Variants in PMEPA1 observed in about 807,000 individuals in gnomAD.
PMEPA1 encodes the protein prostate transmembrane protein, androgen induced 1, also known as protein TMEPAI.
In PMEPA1, 11 loss-of-function variants were observed where a neutral mutation model predicts 23.0. The observed-to-expected ratio is 0.48, with a 90% CI of 0.30 to 0.79. The LOEUF (loss-of-function observed/expected upper bound fraction) is 0.79, where lower values mean the gene tolerates loss of function less well. PMEPA1 is among the 30% of genes least tolerant of loss of function. PMEPA1 has a pLI of 0.06. For missense variants in PMEPA1, 377 were observed against 390.9 expected (o/e 0.96, Z 0.30); for synonymous variants, 204 against 166.4 (o/e 1.23, Z -1.74).
At chr20:57,700,305 C>A (rs987938122) in intron 1 of PMEPA1, 1 of 360,396 alleles carries the variant, frequency 2.8e-6, no homozygotes. Flanking sequence ...CCACTTCCAC[C>A]AACTGTCAAA....
intron 1 of PMEPA1, among the ~76,000 whole-genome samples, chr20:57,681,862 G>A (rs2071720291): frequency 6.6e-6 from 1 of 152,118 alleles, no homozygotes; most frequent in South Asian, 2.1e-4. Flanking sequence ...CTCTCTGCCT[G>A]AGGTACTCCC....
At chr20:57,694,981 G>A (rs2071927218) in intron 1 of PMEPA1, among the ~76,000 whole-genome samples, 1 of 152,214 alleles carries the variant, frequency 6.6e-6, no homozygotes, top group African/African-American at 2.4e-5. Context: ...TAGAGTCAAG[G>A]GGAGAGGGAC....
At position 57,710,001 on chromosome 20, in the gene PMEPA1, G is replaced by A; in HGVS notation, c.-419C>T. On this transcript the variant is annotated 5_prime_UTR_variant, in exon 1 of 4. Transcript: ENST00000341744. The stretch of plus-strand genomic sequence containing the variant: ...CGCTCCGAGACCGCGGTCGGAGGCA[G>A]GCAGACGGTCTGACGTCAGCGCTAG... 1.0e-6 allele frequency: 1 copy of A among 992,448 alleles called. No homozygotes were observed. The highest frequency in any genetic ancestry group is 1.2e-6 in the Non-Finnish European group (1 of 834,654). The allele number at this position is 992,448 out of a possible 1,614,324, so 61.5% of individuals were successfully genotyped here. A position where few individuals can be genotyped will look rare whatever the true frequency, so the allele number is the denominator to read the frequency against.
At chr20:57,663,809 C>T (rs146147063) in intron 1 of PMEPA1, among the ~76,000 whole-genome samples, 1,669 of 152,282 alleles carry the variant, frequency 0.011, 20 homozygotes, top group Non-Finnish European at 0.014. Context: ...AGCCAGCAGC[C>T]GGGTCACCCC....
chr20:57,653,784 C>G (rs1183019596), intron 2 of PMEPA1, among the ~76,000 whole-genome samples: 1 of 152,252 alleles, frequency 6.6e-6, no homozygotes, highest in Non-Finnish European at 1.5e-5. Context: ...CCAGCGTCCC[C>G]TGCAGACCCT....
intron 1 of PMEPA1, among the ~76,000 whole-genome samples, chr20:57,666,186 G>A (rs565071967): frequency 6.6e-6 from 1 of 152,194 alleles, no homozygotes; most frequent in East Asian, 1.9e-4. Flanking sequence ...ACAGGTTCGT[G>A]TGCCTCGTTG....
rs1463412101 is a variant in PMEPA1, at chr20:57,709,729, A to C, written c.-147T>G. ...GGCTCGCCGGGCTCGGGTCGCCGCCAAGTTCCCGGGGCGCCGCGGGGCTCA... is the reference window on the plus strand; with the variant it reads ...GGCTCGCCGGGCTCGGGTCGCCGCCCAGTTCCCGGGGCGCCGCGGGGCTCA... On this transcript the variant is annotated 5_prime_UTR_variant, in exon 1 of 4. Transcript: ENST00000341744. 1.0e-6 allele frequency: 1 copy of C among 976,324 alleles called. No homozygotes were observed. Among genetic ancestry groups the C allele is most frequent in the East Asian group, 1.2e-4 (1 of 8,326 alleles). 60.5% of individuals were successfully genotyped at this position (976,324 alleles called of 1,614,324 possible). A position where few individuals can be genotyped will look rare whatever the true frequency, so the allele number is the denominator to read the frequency against.
intron 1 of PMEPA1, among the ~76,000 whole-genome samples, chr20:57,708,379 G>A (rs1469576317): frequency 2.6e-5 from 4 of 152,358 alleles, no homozygotes; most frequent in African/African-American, 7.2e-5. Context: ...CTAGAAGCTA[G>A]AAGCCAGAAC....
Position 57,652,141 on chromosome 20 carries a change from G to A in PMEPA1, c.776C>T (p.Thr259Ile), listed in dbSNP as rs759744822. Residue 259 changes from threonine (T) to isoleucine (I), a missense_variant, in exon 4 of 4, where the codon ACC becomes ATC. This residue lies in a region of PMEPA1 where 176 missense variants were observed against 173.0 expected (regional missense o/e 1.02). Transcript: ENST00000341744. This position sits in a 1 kb window ranked among gnomAD's most constrained non-coding sequence, Gnocchi z 6.1. ...CGCGATGTGTGTGTGGTGGAGCCGG[G>A]TCCCCTCCAGCAAGGAGGGCGGCCC... ...SSGPPSLLEG[T>I]RLHHTHIAPL... The A allele has an allele frequency of 1.9e-6, 3 of 1,597,676 alleles. No individual in the cohort carries two copies. In the African/African-American group the frequency reaches 4.0e-5, roughly 21 times the overall value.
intron 1 of PMEPA1, among the ~76,000 whole-genome samples, chr20:57,693,897 C>G (rs2071914202): frequency 6.6e-6 from 1 of 152,178 alleles, no homozygotes; most frequent in Non-Finnish European, 1.5e-5. Context: ...GAAGTGCTGG[C>G]TTCTCCATCA....
Position 57,652,960 on chromosome 20 carries a change from A to G in PMEPA1, c.318+73T>C. 7.8e-7 allele frequency: 1 copy of G among 1,284,160 alleles called. No individual in the cohort carries two copies. Among genetic ancestry groups the G allele is most frequent in the Non-Finnish European group, 1.1e-6 (1 of 902,604 alleles). The allele number at this position is 1,284,160 out of a possible 1,614,324, so 79.5% of individuals were successfully genotyped here. A position where few individuals can be genotyped will look rare whatever the true frequency, so the allele number is the denominator to read the frequency against. On this transcript the variant is annotated intron_variant, in intron 3 of 3. Transcript: ENST00000341744. The surrounding 1 kb of genome is among the most constrained non-coding windows in gnomAD (Gnocchi z 6.1). ...GAGGGGTGAGCCTTTAGCAGCCCAC[A>G]CTGTTCCAGCCGCAGCGGGAGCAGC...
rs12625812 is a variant in PMEPA1, at chr20:57,683,379, C to T, written c.110-23682G>A. On this transcript the variant is annotated intron_variant, in intron 1 of 3. Coordinates refer to ENST00000341744, the MANE Select transcript of PMEPA1 (RefSeq NM_020182.5). The surrounding 1 kb of genome is among the most constrained non-coding windows in gnomAD (Gnocchi z 4.3). Reference sequence around the variant, plus strand: ...TAATATAATCATTTTCCTTTAATTACTCCAGGAAAGACCCAATTACAGCGC... The same window carrying T: ...TAATATAATCATTTTCCTTTAATTATTCCAGGAAAGACCCAATTACAGCGC... Among the ~76,000 whole-genome samples, 100 of 152,298 alleles carry T rather than the reference C, an allele frequency of 6.6e-4. No individual in the cohort carries two copies. The East Asian group carries it at 0.014, about 21-fold the overall frequency.
At chr20:57,696,649 G>T (rs1197344818) in intron 1 of PMEPA1, among the ~76,000 whole-genome samples, 1 of 152,178 alleles carries the variant, frequency 6.6e-6, no homozygotes, top group African/African-American at 2.4e-5. Context: ...AAAGCTGTTG[G>T]GTGTTGGGTT....
In PMEPA1 at chr20:57,651,943, C is replaced by T. The variant is rs2071236872; in HGVS notation, c.*110G>A. The T allele has an allele frequency of 7.2e-6, 6 of 829,996 alleles. No homozygotes were observed. In the East Asian group the frequency reaches 1.2e-4, roughly 16 times the overall value. 51.4% of individuals were successfully genotyped at this position (829,996 alleles called of 1,614,324 possible). ...TACACAGGGAGGTGGGAGGGGAGGG[C>T]CACACGATGCGTTGCTGCGCCCCCC... On this transcript the variant is annotated 3_prime_UTR_variant, in exon 4 of 4. Coordinates refer to ENST00000341744, the MANE Select transcript of PMEPA1 (RefSeq NM_020182.5).
chr20:57,682,386 A>G lies in PMEPA1; in HGVS notation c.110-22689T>C, dbSNP rs2071730754. On this transcript the variant is annotated intron_variant, in intron 1 of 3. Coordinates refer to ENST00000341744, the MANE Select transcript of PMEPA1 (RefSeq NM_020182.5). This position sits in a 1 kb window ranked among gnomAD's most constrained non-coding sequence, Gnocchi z 4.4. Reference sequence around the variant, plus strand: ...GGTGGTTTCATCCATAAAATGGGGAAATGACAGCCCGCTGCCCTTGCATAC... The same window carrying G: ...GGTGGTTTCATCCATAAAATGGGGAGATGACAGCCCGCTGCCCTTGCATAC... Among the ~76,000 whole-genome samples the G allele has an allele frequency of 6.6e-6, 1 of 152,124 alleles. No individual in the cohort carries two copies.
chr20:57,710,749 G>C (rs1332579576), upstream of PMEPA1: 1 of 416,440 alleles, frequency 2.4e-6, no homozygotes, highest in Non-Finnish European at 4.2e-6. Context: ...AGGGGTATGA[G>C]CAGGAGGGGT....
chr20:57,709,490 G>T lies in PMEPA1; in HGVS notation c.93C>A (p.Phe31Leu). 1 of 1,146,800 alleles carries T rather than the reference G, an allele frequency of 8.7e-7. No homozygotes were observed. The allele number at this position is 1,146,800 out of a possible 1,614,324, so 71.0% of individuals were successfully genotyped here. A position where few individuals can be genotyped will look rare whatever the true frequency, so the allele number is the denominator to read the frequency against. Residue 31 changes from phenylalanine to leucine, a missense_variant, in exon 1 of 4, where the codon TTC becomes TTA. Around this residue, in one of 3 missense-constraint regions of PMEPA1, gnomAD observed 198 missense variants for 196.3 expected, o/e 1.01. Transcript: ENST00000341744. ...GTCACTCACTGATCTCCATGCTCTGGAACAAAGAGCGTTTGCAGTTGCACG... is the reference window on the plus strand; with the variant it reads ...GTCACTCACTGATCTCCATGCTCTGTAACAAAGAGCGTTTGCAGTTGCACG... ...SCTCNCKRSLFQSMEITELEF... is the reference protein window; with the variant it reads ...SCTCNCKRSLLQSMEITELEF...
chr20:57,687,269 C>A (rs2071813719), intron 1 of PMEPA1, among the ~76,000 whole-genome samples: 1 of 152,188 alleles, frequency 6.6e-6, no homozygotes, highest in Non-Finnish European at 1.5e-5. Flanking sequence ...GCCTGGGGCA[C>A]CTGTGCCTGG....
At position 57,655,063 on chromosome 20, in the gene PMEPA1, T is replaced by C. The variant is rs77203784; in HGVS notation, c.265-1977A>G. On this transcript the variant is annotated intron_variant, in intron 2 of 3. Transcript: ENST00000341744. This position sits in a 1 kb window ranked among gnomAD's most constrained non-coding sequence, Gnocchi z 4.2. Reference sequence around the variant, plus strand: ...CCCCTAGATGTCCACGGCCGTAGTATAGCTGTTTCCTTTAACGGGTTTTCC... The same window carrying C: ...CCCCTAGATGTCCACGGCCGTAGTACAGCTGTTTCCTTTAACGGGTTTTCC... Among the ~76,000 whole-genome samples the C allele has an allele frequency of 0.03, 4,566 of 152,058 alleles. 243 individuals carry two copies. The highest frequency in any genetic ancestry group is 0.1 in the African/African-American group (4,334 of 41,430).
Sources: gnomAD v4.1 joint callset for allele counts (sites outside exome capture counted in the v4.1 genomes callset) on GRCh38, gnomAD v4.1.1 for gene constraint, gnomAD v4.1.1 regional missense constraint, Gnocchi (gnomAD v3.1) non-coding constraint, MANE v1.5 for transcripts, NCBI Gene and HGNC (gene_info 2026-07-23, HGNC 2026-07-21) for gene names.